The following CNTNAP2 variants were observed in gnomAD, a reference collection of about 807,000 sequenced individuals.
CNTNAP2 encodes contactin-associated protein-like 2.
In CNTNAP2, 98 loss-of-function variants were observed where a neutral mutation model predicts 155.2. That is an observed-to-expected ratio of 0.63 (90% CI 0.54 to 0.75). The LOEUF (loss-of-function observed/expected upper bound fraction) is 0.75, where lower values mean the gene tolerates loss of function less well. Ranked by LOEUF, CNTNAP2 falls within the 30% of genes least tolerant of loss-of-function variation. The pLI is 0.00. For missense variants in CNTNAP2, 1,727 were observed against 1,688.1 expected, an observed-to-expected ratio of 1.02 and a Z score of -0.40; for synonymous variants, 651 against 631.2, an observed-to-expected ratio of 1.03 and a Z score of -0.47.
At chr7:147,311,151 G>A (rs990684726) in intron 9 of CNTNAP2, among the ~76,000 whole-genome samples, 12 of 152,144 alleles carry the variant, frequency 7.9e-5, no homozygotes, top group Non-Finnish European at 1.2e-4. Context: ...GATTTTACAA[G>A]AGAGTAAACA....
chr7:146,585,547 G>C (rs1437277849), intron 1 of CNTNAP2, among the ~76,000 whole-genome samples: 1 of 151,940 alleles, frequency 6.6e-6, no homozygotes, highest in African/African-American at 2.4e-5. Context: ...TATCTGAAAA[G>C]ATAAACTAAT....
chr7:147,658,844 T>A (rs773059733), intron 13 of CNTNAP2, among the ~76,000 whole-genome samples: 19 of 152,200 alleles, frequency 1.2e-4, no homozygotes, highest in Admixed American at 3.3e-4. Flanking sequence ...ATGTACTCAA[T>A]CAGGCTACAG....
rs527543692 is a variant in CNTNAP2 at position 147,663,612 on chromosome 7, G to A, written c.2098+24306G>A. On this transcript the variant is annotated intron_variant, in intron 13 of 23. Coordinates refer to ENST00000361727, the MANE Select transcript of CNTNAP2 (RefSeq NM_014141.6). ...CAACGTGGCCAAACAATTTCTGCCT[G>A]TAGCAAATTGTTTTCAGTTATGTTT... Among the ~76,000 whole-genome samples, 72 of 152,320 alleles carry A rather than the reference G, an allele frequency of 4.7e-4. 1 individual carries two copies. Among genetic ancestry groups the A allele is most frequent in the African/African-American group, 1.6e-3 (67 of 41,564 alleles).
rs1584918802 is a variant in CNTNAP2, at chr7:146,424,402, G to A, written c.97+307429G>A. On this transcript the variant is annotated intron_variant, in intron 1 of 23. Transcript: ENST00000361727. ...CTTCCAAGAAGCTTCTTCTACTGGA[G>A]TCAGACGGGACACACTTAATTCCTC... 3.9e-5 allele frequency among the ~76,000 whole-genome samples: 6 copies of A among 152,278 alleles called. 1 individual carries two copies. The highest frequency in any genetic ancestry group is 3.9e-4 in the Admixed American group (6 of 15,292).
chr7:147,532,161 T>C (rs555269060), intron 11 of CNTNAP2, among the ~76,000 whole-genome samples: 1 of 152,252 alleles, frequency 6.6e-6, no homozygotes, highest in South Asian at 2.1e-4. Flanking sequence ...ACCTTTATAC[T>C]CTGCTTCCTT....
At chr7:146,715,511 C>CG (rs1393024001) in intron 1 of CNTNAP2, among the ~76,000 whole-genome samples, 6 of 126,850 alleles carry the variant, frequency 4.7e-5, no homozygotes, top group African/African-American at 2.6e-4. Flanking sequence ...AGCTGGACCT[C>CG]TACTTTTTTA....
intron 15 of CNTNAP2, among the ~76,000 whole-genome samples, chr7:148,066,402 T>G (rs145388293): frequency 9.1e-4 from 138 of 152,356 alleles, no homozygotes; most frequent in African/African-American, 3.1e-3. Context: ...ATTTCTCTTC[T>G]TCCTTGGGAA....
At chr7:147,397,338 C>T (rs1427368095) in intron 10 of CNTNAP2, among the ~76,000 whole-genome samples, 1 of 151,930 alleles carries the variant, frequency 6.6e-6, no homozygotes, top group African/African-American at 2.4e-5. Context: ...TTTTAAAGAT[C>T]ATTTGTTCTG....
At chr7:147,477,394 A>C (rs1223777974) in intron 10 of CNTNAP2, among the ~76,000 whole-genome samples, 1 of 152,214 alleles carries the variant, frequency 6.6e-6, no homozygotes, top group African/African-American at 2.4e-5. Context: ...GTAATCAATT[A>C]ATAATGTAAC....
At chr7:146,730,989 T>G (rs1371672715) in intron 1 of CNTNAP2, among the ~76,000 whole-genome samples, 3 of 152,214 alleles carry the variant, frequency 2.0e-5, no homozygotes, top group East Asian at 1.9e-4. Flanking sequence ...AGGAGCCTAG[T>G]GTTTATTGTG....
At chr7:147,601,016 T>C (rs986658568) in intron 12 of CNTNAP2, among the ~76,000 whole-genome samples, 1 of 152,182 alleles carries the variant, frequency 6.6e-6, no homozygotes, top group Non-Finnish European at 1.5e-5. Flanking sequence ...GAAATGTAGA[T>C]TTTTTCTCTT....
intron 9 of CNTNAP2, among the ~76,000 whole-genome samples, chr7:147,394,728 A>T (rs1236371114): frequency 6.6e-6 from 1 of 151,160 alleles, no homozygotes; most frequent in Non-Finnish European, 1.5e-5. Flanking sequence ...TGATCTCTTA[A>T]AGTTATTTAG....
chr7:146,304,069 A>G (rs1429195020), intron 1 of CNTNAP2, among the ~76,000 whole-genome samples: 4 of 146,064 alleles, frequency 2.7e-5, no homozygotes, highest in Non-Finnish European at 4.5e-5. Flanking sequence ...AGTCTGTTTT[A>G]TCAGAGACTA....
chr7:146,485,200 A>T (rs73464710), intron 1 of CNTNAP2, among the ~76,000 whole-genome samples: 1 of 152,090 alleles, frequency 6.6e-6, no homozygotes, highest in Non-Finnish European at 1.5e-5. Context: ...CACTGTGACA[A>T]TGTTTAAAAA....
At chr7:148,278,534 C>T (rs1796919111) in intron 21 of CNTNAP2, among the ~76,000 whole-genome samples, 1 of 140,870 alleles carries the variant, frequency 7.1e-6, no homozygotes. Flanking sequence ...CGCGCCACTG[C>T]ACTCCAGCCT....
intron 1 of CNTNAP2, among the ~76,000 whole-genome samples, chr7:146,295,154 A>G (rs1246750631): frequency 1.3e-5 from 2 of 152,286 alleles, no homozygotes; most frequent in South Asian, 2.1e-4. Context: ...TTAGCCAACT[A>G]TGGAACGTGT....
At position 147,427,483 on chromosome 7, in the gene CNTNAP2, A is replaced by G. The variant is rs578067731; in HGVS notation, c.1670+31703A>G. On this transcript the variant is annotated intron_variant, in intron 10 of 23. Transcript: ENST00000361727. ...GTGACTGAGCATGGAGATATGTGAG[A>G]AAGTTTAACAATAGTTTGGATAAAA... Among the ~76,000 whole-genome samples, 7 of 152,278 alleles carry G rather than the reference A, an allele frequency of 4.6e-5. No individual in the cohort carries two copies. In the East Asian group the frequency reaches 1.4e-3, roughly 29 times the overall value.
rs539267005 is a variant in CNTNAP2 at position 148,136,401 on chromosome 7, C to G, written c.2555-11090C>G. 5.3e-5 allele frequency among the ~76,000 whole-genome samples: 8 copies of G among 152,166 alleles called. No homozygotes were observed. In the South Asian group the frequency reaches 1.5e-3, roughly 28 times the overall value. On this transcript the variant is annotated intron_variant, in intron 16 of 23. Coordinates refer to ENST00000361727, the MANE Select transcript of CNTNAP2 (RefSeq NM_014141.6). ...TGTTTTAAAGAGCTTGGCACCTCCT[C>G]CTCCTCTCTCTCGCTTCCTCTCTTG...
In CNTNAP2 at chr7:146,493,187, G is replaced by A. The variant is rs142736860; in HGVS notation, c.98-281084G>A. On this transcript the variant is annotated intron_variant, in intron 1 of 23. Transcript: ENST00000361727. ...TTTATATACCTCCGTTTATCCACAA[G>A]TATTAAGTCAAAATTGATTTTAGCA... Among the ~76,000 whole-genome samples, 457 of 152,198 alleles carry A rather than the reference G, an allele frequency of 3.0e-3. 4 individuals carry two copies. Among genetic ancestry groups the A allele is most frequent in the African/African-American group, 0.011 (441 of 41,542 alleles).
Sources: gnomAD v4.1 joint callset for allele counts (sites outside exome capture counted in the v4.1 genomes callset) on GRCh38, gnomAD v4.1.1 for gene constraint, MANE v1.5 for transcripts, NCBI Gene and HGNC (gene_info 2026-07-23, HGNC 2026-07-21) for gene names.